Variants in SCARA3 observed in about 807,000 individuals in gnomAD.
The protein encoded by SCARA3 is cellular stress response gene protein.
SCARA3 carries 39 observed loss-of-function variants against 47.0 expected under a neutral mutation model. The ratio of observed to expected loss-of-function variants is 0.83; its 90% CI spans 0.64 to 1.08. The LOEUF is 1.08. Among genes scored for constraint, SCARA3 ranks in the 50% least tolerant of loss-of-function variants. SCARA3 has a pLI of 0.00. For missense variants in SCARA3, 724 were observed against 792.3 expected (o/e 0.91, Z 1.04); for synonymous variants, 356 against 334.1 (o/e 1.07, Z -0.71).
chr8:27,728,486 G>A, the SCARA3 span, among the ~76,000 whole-genome samples: 3 of 152,148 alleles, frequency 2.0e-5, no homozygotes, highest in African/African-American at 7.2e-5. Flanking sequence ...CCTGCCCTCT[G>A]CCCCTGTCCT....
chr8:27,656,597 T>C (rs185976295), intron 3 of SCARA3, among the ~76,000 whole-genome samples, 185 bp from the exon 4 acceptor site: 249 of 152,246 alleles, frequency 1.6e-3, no homozygotes, highest in Middle Eastern at 3.4e-3. Flanking sequence ...ATTCTGTTTC[T>C]AAAGGGCCTT....
the SCARA3 span, among the ~76,000 whole-genome samples, chr8:27,723,354 G>C: frequency 6.6e-6 from 1 of 152,218 alleles, no homozygotes; most frequent in East Asian, 1.9e-4. Context: ...ATGCTAAATG[G>C]ACCGACTACA....
At chr8:27,648,784 A>G (rs1801565873) in intron 1 of SCARA3, among the ~76,000 whole-genome samples, 1 of 142,148 alleles carries the variant, frequency 7.0e-6, no homozygotes, top group South Asian at 2.5e-4. Flanking sequence ...CGGCAAAGAA[A>G]GAGATAAAGA....
At chr8:27,725,433 T>C in the SCARA3 span, among the ~76,000 whole-genome samples, 1 of 150,274 alleles carries the variant, frequency 6.7e-6, no homozygotes, top group African/African-American at 2.4e-5. Context: ...TATCTTTTCA[T>C]ACACTCTTTT....
Position 27,658,496 on chromosome 8 carries a change from A to T in SCARA3, c.326A>T (p.Asp109Val). 1.3e-6 allele frequency: 2 copies of T among 1,595,490 alleles called. No individual in the cohort carries two copies. The highest frequency in any genetic ancestry group is 1.7e-6 in the Non-Finnish European group (2 of 1,172,206). The change falls in exon 5 of 6, where the codon GAT becomes GTT. Residue 109 changes from aspartate (D) to valine (V), a missense_variant and splice_region_variant. Coordinates refer to ENST00000301904, the MANE Select transcript of SCARA3 (RefSeq NM_016240.3). ...VLMQKNLQGL[D>V]PKALNNCSFC... Reference sequence around the variant, plus strand: ...AAACTGTTATCCCTTTCCCCTAAAGATCCGAAAGCCCTGAACAACTGCTCT... The same window carrying T: ...AAACTGTTATCCCTTTCCCCTAAAGTTCCGAAAGCCCTGAACAACTGCTCT...
At chr8:27,694,443 T>C in the SCARA3 span, among the ~76,000 whole-genome samples, 95 of 152,248 alleles carry the variant, frequency 6.2e-4, no homozygotes, top group South Asian at 2.7e-3. Context: ...CACAGAGATA[T>C]AGAGATACAT....
At chr8:27,668,469 A>G (rs370332534) in intron 5 of SCARA3, among the ~76,000 whole-genome samples, 4,133 of 147,990 alleles carry the variant, frequency 0.028, 191 homozygotes, top group African/African-American at 0.095. Flanking sequence ...GAACCCGGGA[A>G]GCGGAGCTTG....
chr8:27,639,800 T>A (rs1329976725), intron 1 of SCARA3, among the ~76,000 whole-genome samples: 1 of 151,998 alleles, frequency 6.6e-6, no homozygotes, highest in Non-Finnish European at 1.5e-5. Flanking sequence ...ATGATGGTAA[T>A]GTCATGGAAA....
the SCARA3 span, chr8:27,697,173 G>A: frequency 4.8e-6 from 1 of 206,986 alleles, no homozygotes; most frequent in Non-Finnish European, 1.0e-5. Flanking sequence ...GTGTCCTAAG[G>A]CAGTTCACTT....
At chr8:27,651,648 C>T (rs765831522) in intron 3 of SCARA3, 21 bp downstream of exon 3, 9 of 1,612,432 alleles carry the variant, frequency 5.6e-6, no homozygotes, top group South Asian at 1.1e-5. Context: ...GGCTTTCCCA[C>T]CCCGGGCTGC....
Position 27,672,440 on chromosome 8 carries a change from A to G in SCARA3, c.*1089A>G. On this transcript the variant is annotated 3_prime_UTR_variant, in exon 6 of 6. Coordinates refer to ENST00000301904, the MANE Select transcript of SCARA3 (RefSeq NM_016240.3). Reference sequence around the variant, plus strand: ...TGAGGCTGGCCTGCCCCATTCCCCAAGGGGGCTCCTCTGGAGTGGTGGGGA... The same window carrying G: ...TGAGGCTGGCCTGCCCCATTCCCCAGGGGGGCTCCTCTGGAGTGGTGGGGA... 2 of 985,510 alleles carry G rather than the reference A, an allele frequency of 2.0e-6. No homozygotes were observed. Among genetic ancestry groups the G allele is most frequent in the Non-Finnish European group, 2.4e-6 (2 of 830,016 alleles). The allele number at this position is 985,510 out of a possible 1,614,324, so 61.0% of individuals were successfully genotyped here.
the SCARA3 span, among the ~76,000 whole-genome samples, chr8:27,690,821 T>A: frequency 6.6e-6 from 1 of 152,126 alleles, no homozygotes; most frequent in Non-Finnish European, 1.5e-5. Flanking sequence ...TCTGCCTGGC[T>A]ATAGGCACAC....
the SCARA3 span, among the ~76,000 whole-genome samples, chr8:27,686,569 G>C: frequency 6.6e-6 from 1 of 152,112 alleles, no homozygotes; most frequent in East Asian, 1.9e-4. Flanking sequence ...CTATCATGGG[G>C]CCTCCTGGGG....
rs1563414941 is a variant in SCARA3 at position 27,671,552 on chromosome 8, AC to A, written c.*202del. 7.8e-7 allele frequency: 1 copy of A among 1,281,494 alleles called. No homozygotes were observed. Among genetic ancestry groups the A allele is most frequent in the East Asian group, 3.1e-5 (1 of 32,508 alleles). The allele number at this position is 1,281,494 out of a possible 1,614,324, so 79.4% of individuals were successfully genotyped here. On this transcript the variant is annotated 3_prime_UTR_variant, in exon 6 of 6. Transcript: ENST00000301904. ...AGCCCCTCCTCACACATACATGTGC[AC>A]ATGCACACACATGCATGCACACACA...
the SCARA3 span, chr8:27,697,660 G>A: frequency 2.0e-5 from 3 of 152,174 alleles, no homozygotes; most frequent in African/African-American, 7.2e-5. Context: ...CCTATGTGTT[G>A]TGGGAGGGAC....
At chr8:27,651,660 G>A in intron 3 of SCARA3, 33 bp downstream of exon 3, 1 of 1,607,680 alleles carries the variant, frequency 6.2e-7, no homozygotes, top group Non-Finnish European at 8.5e-7. Flanking sequence ...CCGGGCTGCA[G>A]GGGGGTGTCT....
the SCARA3 span, among the ~76,000 whole-genome samples, chr8:27,718,373 A>G: frequency 6.6e-6 from 1 of 152,184 alleles, no homozygotes; most frequent in Middle Eastern, 3.2e-3. Flanking sequence ...ACATTTGCCT[A>G]ATTTATTTGG....
chr8:27,694,501 A>C, the SCARA3 span, among the ~76,000 whole-genome samples: 1 of 152,326 alleles, frequency 6.6e-6, no homozygotes, highest in African/African-American at 2.4e-5. Flanking sequence ...ATAATTTTTA[A>C]AATACAGTAA....
At chr8:27,644,661 G>A (rs955708486) in intron 1 of SCARA3, among the ~76,000 whole-genome samples, 4 of 151,086 alleles carry the variant, frequency 2.6e-5, no homozygotes, top group Admixed American at 2.0e-4. Flanking sequence ...GAGACAGAAG[G>A]CAACCAGTGC....
Sources: allele counts gnomAD v4.1 joint callset (sites outside exome capture counted in the v4.1 genomes callset), GRCh38; gene constraint gnomAD v4.1.1; transcripts MANE v1.5; gene names NCBI Gene and HGNC (gene_info 2026-07-23, HGNC 2026-07-21).